The following RHOBTB1 variants were observed in gnomAD, a reference collection of about 807,000 sequenced individuals.
RHOBTB1 encodes rho-related BTB domain-containing protein 1.
A neutral mutation model predicts 71.6 loss-of-function variants in RHOBTB1; 40 were observed. The ratio of observed to expected loss-of-function variants is 0.56; its 90% confidence interval spans 0.43 to 0.73. RHOBTB1 has a LOEUF of 0.73. Among genes scored for constraint, RHOBTB1 ranks in the 30% least tolerant of loss-of-function variants. RHOBTB1 has a pLI of 0.00. For missense variants in RHOBTB1, 797 were observed against 894.0 expected, an observed-to-expected ratio of 0.89 and a Z score of 1.38; for synonymous variants, 319 against 334.9, an observed-to-expected ratio of 0.95 and a Z score of 0.52.
At chr10:60,949,481 C>G (rs760255424) in intron 2 of RHOBTB1, among the ~76,000 whole-genome samples, 10 of 152,098 alleles carry the variant, frequency 6.6e-5, no homozygotes, top group Non-Finnish European at 1.3e-4. Flanking sequence ...TTACTCAGAC[C>G]AACTCTTCAG....
At chr10:60,967,561 G>A (rs1378559103) in intron 2 of RHOBTB1, among the ~76,000 whole-genome samples, 1 of 152,048 alleles carries the variant, frequency 6.6e-6, no homozygotes, top group East Asian at 1.9e-4. Flanking sequence ...GAACAGAGCT[G>A]TAAGATTTTT....
intron 2 of RHOBTB1, among the ~76,000 whole-genome samples, chr10:60,935,895 T>A (rs894910917): frequency 6.6e-6 from 1 of 152,162 alleles, no homozygotes; most frequent in Non-Finnish European, 1.5e-5. Flanking sequence ...CTCAGCCACA[T>A]CAGTAGCTTG....
rs1470742469 is a variant in RHOBTB1, at chr10:60,944,157, C to T, written c.-248G>A. 1 of 152,028 alleles carries T rather than the reference C, an allele frequency of 6.6e-6. No homozygotes were observed. The highest frequency in any genetic ancestry group is 2.4e-5 in the African/African-American group (1 of 41,394). 9.4% of individuals were successfully genotyped at this position (152,028 alleles called of 1,614,324 possible). A position where few individuals can be genotyped will look rare whatever the true frequency, so the allele number is the denominator to read the frequency against. On this transcript the variant is annotated 5_prime_UTR_variant, in exon 1 of 11. Coordinates refer to ENST00000337910, the MANE Select transcript of RHOBTB1 (RefSeq NM_014836.5). ...ATGGCACTGCCTCGCCCTGCCGCCT[C>T]GCCCGGCGCCGTGGCCGCTCTTCCC...
intron 7 of RHOBTB1, among the ~76,000 whole-genome samples, chr10:60,885,902 C>A (rs2081544919): frequency 6.6e-6 from 1 of 152,166 alleles, no homozygotes; most frequent in African/African-American, 2.4e-5. Flanking sequence ...ACAATAGCTC[C>A]TCAAAACTGC....
At chr10:60,891,092 T>C (rs1213345396) in intron 5 of RHOBTB1, among the ~76,000 whole-genome samples, 2 of 152,162 alleles carry the variant, frequency 1.3e-5, no homozygotes, top group African/African-American at 4.8e-5. Flanking sequence ...TCTTAACCTC[T>C]ACATGGCCCC....
rs1258681344 is a variant in RHOBTB1 at position 60,941,837 on chromosome 10, G to C, written c.-44C>G. ...CTGGAAGTGAAGAACAGAACACTCT[G>C]CTCACAGCTGGACTTACCTACATAA... On this transcript the variant is annotated 5_prime_UTR_variant, in exon 2 of 11. Transcript: ENST00000337910. 1.3e-5 allele frequency: 2 copies of C among 152,484 alleles called. No homozygotes were observed. Among genetic ancestry groups the C allele is most frequent in the Non-Finnish European group, 2.9e-5 (2 of 68,024 alleles). The allele number at this position is 152,484 out of a possible 1,614,324, so 9.4% of individuals were successfully genotyped here. A position where few individuals can be genotyped will look rare whatever the true frequency, so the allele number is the denominator to read the frequency against.
At position 60,911,671 on chromosome 10, in the gene RHOBTB1, A is replaced by C. The variant is rs570061417; in HGVS notation, c.-10-119T>G. The C allele has an allele frequency of 7.7e-6, 6 of 776,368 alleles. No homozygotes were observed. The African/African-American group carries it at 1.0e-4, about 13-fold the overall frequency. 48.1% of individuals were successfully genotyped at this position (776,368 alleles called of 1,614,324 possible). A position where few individuals can be genotyped will look rare whatever the true frequency, so the allele number is the denominator to read the frequency against. On this transcript the variant is annotated intron_variant, in intron 2 of 10. Coordinates refer to ENST00000337910, the MANE Select transcript of RHOBTB1 (RefSeq NM_014836.5). ...GCCACTTCCTTGGAGGTGCACAAGC[A>C]CAGGAAAGAATGTTTGGAAGTTCGT...
At chr10:60,963,397 G>C (rs981701530) in intron 2 of RHOBTB1, among the ~76,000 whole-genome samples, 3 of 152,134 alleles carry the variant, frequency 2.0e-5, no homozygotes, top group African/African-American at 7.2e-5. Flanking sequence ...AAATTCTCAG[G>C]TATTAGAAGA....
chr10:60,870,584 T>C lies in RHOBTB1; in HGVS notation c.*898A>G, dbSNP rs2080732381. 1 of 152,104 alleles carries C rather than the reference T, an allele frequency of 6.6e-6. No homozygotes were observed. The highest frequency in any genetic ancestry group is 1.9e-4 in the East Asian group (1 of 5,186). 9.4% of individuals were successfully genotyped at this position (152,104 alleles called of 1,614,324 possible). A position where few individuals can be genotyped will look rare whatever the true frequency, so the allele number is the denominator to read the frequency against. ...TTTCCCTTGCCCATCTCAATTCAAGTCAGTGAAGAATCTGCATGCAGAAGC... is the reference window on the plus strand; with the variant it reads ...TTTCCCTTGCCCATCTCAATTCAAGCCAGTGAAGAATCTGCATGCAGAAGC... On this transcript the variant is annotated 3_prime_UTR_variant, in exon 11 of 11. Transcript: ENST00000337910.
intron 4 of RHOBTB1, among the ~76,000 whole-genome samples, chr10:60,906,785 G>A (rs978062602): frequency 6.6e-6 from 1 of 151,928 alleles, no homozygotes; most frequent in African/African-American, 2.4e-5. Flanking sequence ...ACAGATCAAT[G>A]AAGGAAATTT....
intron 2 of RHOBTB1, among the ~76,000 whole-genome samples, chr10:60,911,886 C>T (rs1006703281): frequency 2.0e-5 from 3 of 152,174 alleles, no homozygotes; most frequent in East Asian, 3.9e-4. Flanking sequence ...CATTTATAGC[C>T]TACTGGATAC....
chr10:60,885,004 G>A (rs1456775186), intron 7 of RHOBTB1, among the ~76,000 whole-genome samples: 1 of 151,776 alleles, frequency 6.6e-6, no homozygotes, highest in Non-Finnish European at 1.5e-5. Flanking sequence ...CTGTAGCTTT[G>A]AACTCCTGGG....
In RHOBTB1 at chr10:60,962,375, C is replaced by T. The variant is rs185532023; in HGVS notation, c.-61-20521G>A. On this transcript the variant is annotated intron_variant, in intron 2 of 11. Transcript: ENST00000357917. ...GCCCAATGACTGATAAATACAAGTGCGCAGACATGACAGGGGAGGAAGAAT... is the reference window on the plus strand; with the variant it reads ...GCCCAATGACTGATAAATACAAGTGTGCAGACATGACAGGGGAGGAAGAAT... 3.3e-5 allele frequency among the ~76,000 whole-genome samples: 5 copies of T among 152,116 alleles called. No homozygotes were observed. The East Asian group carries it at 7.7e-4, about 24-fold the overall frequency.
chr10:60,897,167 A>G (rs1003210160), intron 4 of RHOBTB1, among the ~76,000 whole-genome samples: 4 of 152,206 alleles, frequency 2.6e-5, no homozygotes, highest in Non-Finnish European at 2.9e-5. Context: ...GACTTTGAAC[A>G]GCAAAATACC....
chr10:60,904,122 T>A (rs2082545145), intron 4 of RHOBTB1, among the ~76,000 whole-genome samples: 1 of 152,032 alleles, frequency 6.6e-6, no homozygotes, highest in Non-Finnish European at 1.5e-5. Context: ...TTTTTGTATT[T>A]TTTTAGTAGA....
chr10:60,999,777 CAG>C (rs972902537), intron 1 of RHOBTB1, among the ~76,000 whole-genome samples: 37 of 152,348 alleles, frequency 2.4e-4, no homozygotes, highest in African/African-American at 8.7e-4. Flanking sequence ...GTTTATGGTT[CAG>C]ACACACATGA....
intron 2 of RHOBTB1, among the ~76,000 whole-genome samples, chr10:60,978,174 C>A (rs929416324): frequency 5.3e-5 from 8 of 152,154 alleles, no homozygotes; most frequent in African/African-American, 1.9e-4. Flanking sequence ...TTGAAGCATA[C>A]ACAAAACTGA....
intron 4 of RHOBTB1, among the ~76,000 whole-genome samples, chr10:60,898,141 A>C (rs2082248592): frequency 1.3e-5 from 2 of 151,970 alleles, no homozygotes; most frequent in African/African-American, 4.8e-5. Context: ...TTTTTAGGAG[A>C]GACTCCCCAT....
At chr10:60,897,082 C>T (rs1435142288) in intron 4 of RHOBTB1, among the ~76,000 whole-genome samples, 1 of 151,930 alleles carries the variant, frequency 6.6e-6, no homozygotes, top group Non-Finnish European at 1.5e-5. Flanking sequence ...AAGTTGGGAC[C>T]AATCTTTGTT....
Sources: gnomAD v4.1 joint callset for allele counts (sites outside exome capture counted in the v4.1 genomes callset) on GRCh38, gnomAD v4.1.1 for gene constraint, MANE v1.5 for transcripts, NCBI Gene and HGNC (gene_info 2026-07-23, HGNC 2026-07-21) for gene names.